ZFAND6: variants seen among roughly 807,000 people sequenced by gnomAD.
ZFAND6 encodes the protein zinc finger AN1-type containing 6.
ZFAND6 carries 12 observed loss-of-function variants against 24.5 expected under a neutral mutation model. The observed-to-expected ratio is 0.49, with a 90% CI of 0.31 to 0.79. ZFAND6 has a LOEUF of 0.79. Ranked by LOEUF, ZFAND6 falls within the 30% of genes least tolerant of loss-of-function variation. The pLI is 0.04. For missense variants in ZFAND6, 207 were observed against 245.9 expected, an observed-to-expected ratio of 0.84 and a Z score of 1.06; for synonymous variants, 92 against 81.5, an observed-to-expected ratio of 1.13 and a Z score of -0.69.
At chr15:80,087,397 C>G (rs903021361) in intron 1 of ZFAND6, among the ~76,000 whole-genome samples, 1 of 152,140 alleles carries the variant, frequency 6.6e-6, no homozygotes, top group African/African-American at 2.4e-5. Context: ...TTTGCATTTC[C>G]TAAATGACTA....
At chr15:80,095,602 A>G (rs1425115085) in intron 1 of ZFAND6, among the ~76,000 whole-genome samples, 1 of 152,228 alleles carries the variant, frequency 6.6e-6, no homozygotes, top group African/African-American at 2.4e-5. Context: ...GGATTTAGAT[A>G]TTTAACCGGG....
chr15:80,087,621 T>C (rs965291205), intron 1 of ZFAND6, among the ~76,000 whole-genome samples: 2 of 152,352 alleles, frequency 1.3e-5, no homozygotes, highest in East Asian at 1.9e-4. Flanking sequence ...TTTGAATCTT[T>C]GCCCAGTTTT....
chr15:80,120,485 A>G lies in ZFAND6; in HGVS notation c.141A>G (p.Arg47=), dbSNP rs370987142. 42 of 1,543,104 alleles carry G rather than the reference A, an allele frequency of 2.7e-5. No homozygotes were observed. In the Middle Eastern group the frequency reaches 1.9e-3, roughly 69 times the overall value. The change falls in exon 3 of 7, where the codon AGA becomes AGG. Residue 47 remains arginine (R), a synonymous_variant. Coordinates refer to ENST00000261749, the MANE Select transcript of ZFAND6 (RefSeq NM_019006.4). ...AAAGACAGAATAGTAGTAATGGTAG[A>G]ATAAGCCCACCTGGTAAGTAATTCT... ...HLQRQNSSNG[R]ISPPATSVSS... is the part of the protein sequence containing the mutation.
At chr15:80,079,559 A>G (rs568269075) in intron 1 of ZFAND6, among the ~76,000 whole-genome samples, 19 of 151,942 alleles carry the variant, frequency 1.3e-4, no homozygotes, top group African/African-American at 4.6e-4. Flanking sequence ...GGTATACATT[A>G]AATAATAAAA....
chr15:80,101,146 A>G (rs2039006518), intron 2 of ZFAND6, among the ~76,000 whole-genome samples: 2 of 152,350 alleles, frequency 1.3e-5, no homozygotes, highest in South Asian at 4.1e-4. Context: ...CATAAGAAAC[A>G]TCTCAAGAAG....
chr15:80,099,248 G>A (rs1037321866), intron 2 of ZFAND6, among the ~76,000 whole-genome samples: 1 of 152,088 alleles, frequency 6.6e-6, no homozygotes, highest in Non-Finnish European at 1.5e-5. Flanking sequence ...GTAGGGTGGT[G>A]TCTGGTTTTT....
At chr15:80,082,020 T>C (rs1017659902) in intron 1 of ZFAND6, among the ~76,000 whole-genome samples, 2 of 152,194 alleles carry the variant, frequency 1.3e-5, no homozygotes, top group African/African-American at 2.4e-5. Flanking sequence ...AAAGAGGCAA[T>C]CCTGGAATGG....
chr15:80,128,031 C>T (rs1264656080), intron 5 of ZFAND6, among the ~76,000 whole-genome samples: 1 of 152,072 alleles, frequency 6.6e-6, no homozygotes, highest in African/African-American at 2.4e-5. Flanking sequence ...CTGATACATG[C>T]CACAGTATGA....
intron 1 of ZFAND6, among the ~76,000 whole-genome samples, chr15:80,068,989 A>G (rs191976592): frequency 8.1e-4 from 123 of 152,380 alleles, no homozygotes; most frequent in African/African-American, 2.9e-3. Context: ...TTTACAGAGA[A>G]TGTTACCTAT....
intron 1 of ZFAND6, among the ~76,000 whole-genome samples, chr15:80,077,270 G>A (rs1378648810): frequency 6.6e-6 from 1 of 152,066 alleles, no homozygotes; most frequent in Non-Finnish European, 1.5e-5. Flanking sequence ...TATACATAGG[G>A]TAGAGAGGCT....
At chr15:80,124,067 T>C (rs8035077) in intron 5 of ZFAND6, among the ~76,000 whole-genome samples, 12,060 of 152,268 alleles carry the variant, frequency 0.079, 553 homozygotes, top group East Asian at 0.19. Context: ...CTTAAATGTT[T>C]TAAGTGAATA....
intron 1 of ZFAND6, among the ~76,000 whole-genome samples, chr15:80,089,455 C>T (rs151268603): frequency 9.0e-4 from 137 of 151,848 alleles, no homozygotes; most frequent in African/African-American, 2.4e-3. Flanking sequence ...GGGGTTTTGC[C>T]ATGTTTGCCA....
chr15:80,127,452 A>T (rs1288809984), intron 5 of ZFAND6, among the ~76,000 whole-genome samples: 1 of 151,902 alleles, frequency 6.6e-6, no homozygotes, highest in Admixed American at 6.6e-5. Flanking sequence ...GCTGGCTGTG[A>T]TGTCATGCGC....
At chr15:80,089,797 C>T (rs756135375) in intron 1 of ZFAND6, among the ~76,000 whole-genome samples, 15 of 152,068 alleles carry the variant, frequency 9.9e-5, no homozygotes, top group Non-Finnish European at 1.6e-4. Context: ...ACTATGTTTT[C>T]CTTTTTATTT....
intron 1 of ZFAND6, among the ~76,000 whole-genome samples, chr15:80,070,302 A>G (rs2036901055): frequency 6.6e-6 from 1 of 152,208 alleles, no homozygotes; most frequent in Non-Finnish European, 1.5e-5. Flanking sequence ...CAAATAATAT[A>G]CAATACATCT....
intron 6 of ZFAND6, among the ~76,000 whole-genome samples, chr15:80,135,052 CT>C: frequency 6.6e-6 from 1 of 152,166 alleles, no homozygotes; most frequent in Admixed American, 6.5e-5. Flanking sequence ...CCAGCCTCCC[CT>C]TTTACCTTCT....
At chr15:80,091,145 A>T (rs1044090724) in intron 1 of ZFAND6, among the ~76,000 whole-genome samples, 2 of 140,326 alleles carry the variant, frequency 1.4e-5, no homozygotes, top group Non-Finnish European at 3.1e-5. Context: ...CATATTTTCT[A>T]TTTAGTTGTT....
intron 2 of ZFAND6, among the ~76,000 whole-genome samples, chr15:80,100,081 G>T (rs564574848): frequency 4.8e-4 from 73 of 152,238 alleles, no homozygotes; most frequent in African/African-American, 1.8e-3. Context: ...TAAATCTCCA[G>T]AGGTTATCTA....
intron 2 of ZFAND6, among the ~76,000 whole-genome samples, chr15:80,101,197 T>A (rs1424413071): frequency 6.6e-6 from 1 of 152,224 alleles, no homozygotes; most frequent in Non-Finnish European, 1.5e-5. Context: ...GCGTGGTGGC[T>A]CACGCCTGTA....
Sources: gnomAD v4.1 joint callset for allele counts (sites outside exome capture counted in the v4.1 genomes callset) on GRCh38, gnomAD v4.1.1 for gene constraint, MANE v1.5 for transcripts, NCBI Gene and HGNC (gene_info 2026-07-23, HGNC 2026-07-21) for gene names.